The following TBC1D20 variants were observed in gnomAD, a reference collection of about 807,000 sequenced individuals.
TBC1D20 encodes the protein TBC1 domain family member 20.
Under a neutral mutation model 41.6 loss-of-function variants are expected in TBC1D20, and 12 were observed. The observed-to-expected ratio is 0.29, with a 90% CI of 0.18 to 0.47. The LOEUF is 0.47. Among genes scored for constraint, TBC1D20 ranks in the 20% least tolerant of loss-of-function variants. The pLI, the probability that TBC1D20 is intolerant of heterozygous loss-of-function variation, is 1.00. For missense variants in TBC1D20, 421 were observed against 517.4 expected (o/e 0.81, Z 1.81); for synonymous variants, 205 against 204.8 (o/e 1.00, Z -0.01).
In TBC1D20 at chr20:462,486, G is replaced by A. The variant is rs1361079010; in HGVS notation, c.-81C>T. On this transcript the variant is annotated 5_prime_UTR_variant, in exon 1 of 8. Coordinates refer to ENST00000354200, the MANE Select transcript of TBC1D20 (RefSeq NM_144628.4). ...GACGCGGCTCCGACCGCGGGACGTA[G>A]CACCCGCTCGGCATCGGCAGGCTCC... is the stretch of plus-strand genomic sequence containing the variant. 18 of 851,150 alleles carry A rather than the reference G, an allele frequency of 2.1e-5. No homozygotes were observed. Among genetic ancestry groups the A allele is most frequent in the Non-Finnish European group, 2.7e-5 (18 of 660,180 alleles). 52.7% of individuals were successfully genotyped at this position (851,150 alleles called of 1,614,324 possible).
chr20:449,285 TA>T (rs1169245536), intron 1 of TBC1D20, among the ~76,000 whole-genome samples: 339 of 56,914 alleles, frequency 6.0e-3, no homozygotes, highest in African/African-American at 0.011. Flanking sequence ...CCCAATACAT[TA>T]AAAAAAAAAA....
chr20:458,470 G>A (rs770594191), intron 1 of TBC1D20, among the ~76,000 whole-genome samples: 19 of 151,608 alleles, frequency 1.3e-4, no homozygotes, highest in Non-Finnish European at 2.1e-4. Flanking sequence ...AGCTCCACTG[G>A]CCCAGCTAAT....
At position 437,442 on chromosome 20, in the gene TBC1D20, G is replaced by A. The variant is rs950675323; in HGVS notation, c.*1144C>T. On this transcript the variant is annotated 3_prime_UTR_variant, in exon 8 of 8. Transcript: ENST00000354200. ...AAAACAAACCTGGCTTTGCTTACAGGGAAGCTGTCCCAGAAGGACTGAGTG... is the reference window on the plus strand; with the variant it reads ...AAAACAAACCTGGCTTTGCTTACAGAGAAGCTGTCCCAGAAGGACTGAGTG... 2.0e-5 allele frequency: 3 copies of A among 152,592 alleles called. No homozygotes were observed. The highest frequency in any genetic ancestry group is 1.3e-4 in the Admixed American group (2 of 15,282). The allele number at this position is 152,592 out of a possible 1,614,324, so 9.5% of individuals were successfully genotyped here.
intron 1 of TBC1D20, among the ~76,000 whole-genome samples, chr20:448,448 T>TGGGA (rs1352135507): frequency 6.6e-6 from 1 of 152,116 alleles, no homozygotes; most frequent in African/African-American, 2.4e-5. Context: ...CCCAGCACTT[T>TGGGA]GGGAGGCCGA....
In TBC1D20 at chr20:438,712, T is replaced by C; in HGVS notation, c.1086A>G (p.Pro362=). The change falls in exon 8 of 8, where the codon CCA becomes CCG. Residue 362 remains proline, a synonymous_variant. Transcript: ENST00000354200. ...EDRTKDVLTK[P]RTNRFVKLAV... ...CCAATTTCACAAAGCGGTTGGTCCTTGGCTTGGTCAGGACATCTTTTGTTC... is the reference window on the plus strand; with the variant it reads ...CCAATTTCACAAAGCGGTTGGTCCTCGGCTTGGTCAGGACATCTTTTGTTC... The C allele has an allele frequency of 6.2e-7, 1 of 1,614,202 alleles. No homozygotes were observed. Among genetic ancestry groups the C allele is most frequent in the Non-Finnish European group, 8.5e-7 (1 of 1,180,034 alleles).
chr20:448,713 T>C (rs975286033), intron 1 of TBC1D20, among the ~76,000 whole-genome samples: 9 of 148,918 alleles, frequency 6.0e-5, no homozygotes, highest in African/African-American at 2.2e-4. Flanking sequence ...AAAAGAGACA[T>C]TGTCTCTCTA....
At chr20:461,981 A>G (rs1213104211) in intron 1 of TBC1D20, among the ~76,000 whole-genome samples, 1 of 152,140 alleles carries the variant, frequency 6.6e-6, no homozygotes, top group African/African-American at 2.4e-5. Flanking sequence ...GAGCCTGCGG[A>G]CGTGGCGGAC....
chr20:458,970 G>A (rs1169712826), intron 1 of TBC1D20, among the ~76,000 whole-genome samples: 1 of 152,112 alleles, frequency 6.6e-6, no homozygotes, highest in Non-Finnish European at 1.5e-5. Flanking sequence ...AGTGGCAGAT[G>A]GAGAAAGCAC....
chr20:447,958 C>G lies in TBC1D20; in HGVS notation c.187G>C (p.Asp63His). ...MAISEGGLLT[D>H]EIRRKVWPKL... is the part of the protein sequence containing the mutation. ...GGCCACACTTTTCGTCTGATCTCAT[C>G]AGTCAGGAGCCCTCCTTCACTGATA... The change falls in exon 2 of 8, where the codon GAT becomes CAT. Residue 63 changes from aspartate to histidine, a missense_variant. By Grantham distance (81) the Asp-to-His change is moderately conservative. Around this residue, in one of 3 missense-constraint regions of TBC1D20, gnomAD observed 150 missense variants for 151.3 expected, o/e 0.99. Transcript: ENST00000354200. 1 of 1,614,156 alleles carries G rather than the reference C, an allele frequency of 6.2e-7. No individual in the cohort carries two copies. Among genetic ancestry groups the G allele is most frequent in the African/African-American group, 1.3e-5 (1 of 75,048 alleles).
Position 438,339 on chromosome 20 carries a change from G to C in TBC1D20, c.*247C>G, listed in dbSNP as rs6107330. The C allele has an allele frequency of 5.9e-3, 3,082 of 521,600 alleles. 67 individuals are homozygous for C. The highest frequency in any genetic ancestry group is 0.052 in the African/African-American group (2,719 of 52,318). 32.3% of individuals were successfully genotyped at this position (521,600 alleles called of 1,614,324 possible). A position where few individuals can be genotyped will look rare whatever the true frequency, so the allele number is the denominator to read the frequency against. On this transcript the variant is annotated 3_prime_UTR_variant, in exon 8 of 8. Transcript: ENST00000354200. ...CCTCCAACACCAGGGAGGTGGCAGA[G>C]AGCCCATCCAAAAGCCCACTGGGAG...
rs140759931 is a variant in TBC1D20, at chr20:462,455, G to A, written c.-50C>T. On this transcript the variant is annotated 5_prime_UTR_variant, in exon 1 of 8. Coordinates refer to ENST00000354200, the MANE Select transcript of TBC1D20 (RefSeq NM_144628.4). ...CGAGCCCCGGCTGGTGGCGGAGCCG[G>A]GAGAAGACGCGGCTCCGACCGCGGG... The A allele has an allele frequency of 7.7e-3, 8,496 of 1,103,220 alleles. 767 individuals carry two copies. The Admixed American group carries it at 0.16, about 20-fold the overall frequency. The allele number at this position is 1,103,220 out of a possible 1,614,324, so 68.3% of individuals were successfully genotyped here.
At chr20:444,838 C>G (rs908287091) in intron 3 of TBC1D20, among the ~76,000 whole-genome samples, 4 of 152,016 alleles carry the variant, frequency 2.6e-5, no homozygotes, top group African/African-American at 9.7e-5. Flanking sequence ...AACCTCTTCT[C>G]TCATTCACCA....
intron 3 of TBC1D20, among the ~76,000 whole-genome samples, chr20:443,937 A>G (rs895126818): frequency 1.3e-5 from 2 of 152,096 alleles, no homozygotes; most frequent in African/African-American, 4.8e-5. Flanking sequence ...CAGCCTGGCC[A>G]ACATGGTGAA....
intron 1 of TBC1D20, among the ~76,000 whole-genome samples, chr20:449,285 T>TTAAAAAA (rs1298346679): frequency 1.8e-5 from 1 of 56,930 alleles, no homozygotes; most frequent in African/African-American, 9.2e-5. Flanking sequence ...CCCAATACAT[T>TTAAAAAA]AAAAAAAAAA....
rs1568462447 is a variant in TBC1D20, at chr20:453,186, A to AAAC, written c.71-5115_71-5113dup. On this transcript the variant is annotated intron_variant, in intron 1 of 7. Coordinates refer to ENST00000354200, the MANE Select transcript of TBC1D20 (RefSeq NM_144628.4). ...AAAAAAAAAAAAAAAAAAAAAAAAA[A>AAAC]AACAGGCTGGGCGCAGTGGCTCACG... 1.0e-4 allele frequency among the ~76,000 whole-genome samples: 13 copies of AAAC among 129,780 alleles called. No individual in the cohort carries two copies. The East Asian group carries it at 2.1e-3, about 21-fold the overall frequency. The allele number at this position is 129,780 out of a possible 152,430, so 85.1% of individuals were successfully genotyped here. A position where few individuals can be genotyped will look rare whatever the true frequency, so the allele number is the denominator to read the frequency against.
At chr20:445,966 G>A (rs1255299152) in intron 2 of TBC1D20, among the ~76,000 whole-genome samples, 1 of 152,236 alleles carries the variant, frequency 6.6e-6, no homozygotes, top group African/African-American at 2.4e-5. Context: ...CTCTGAAGCA[G>A]CCAATTCCAA....
chr20:439,186 C>T lies in TBC1D20; in HGVS notation c.878G>A (p.Ser293Asn). 4 of 1,614,210 alleles carry T rather than the reference C, an allele frequency of 2.5e-6. No individual in the cohort carries two copies. Among genetic ancestry groups the T allele is most frequent in the Non-Finnish European group, 2.5e-6 (3 of 1,180,034 alleles). The change falls in exon 7 of 8, where the codon AGC becomes AAC. Residue 293 changes from serine to asparagine, a missense_variant. By Grantham distance (46) the Ser-to-Asn change is conservative. Transcript: ENST00000354200. This position sits in a 1 kb window ranked among gnomAD's most constrained non-coding sequence, Gnocchi z 4.6. ...PQDLPYETLI[S>N]RAGDLFVQFP... ...CTGAACAAAAAGGTCTCCTGCTCTG[C>T]TGATCAGTGTCTCATAGGGCAAGTC...
At chr20:444,673 A>G (rs903402007) in intron 3 of TBC1D20, among the ~76,000 whole-genome samples, 1 of 152,178 alleles carries the variant, frequency 6.6e-6, no homozygotes, top group Non-Finnish European at 1.5e-5. Flanking sequence ...GGAATCTTAC[A>G]TATGTATGCG....
At chr20:445,552 A>G (rs1295245717) in intron 2 of TBC1D20, among the ~76,000 whole-genome samples, 2 of 152,210 alleles carry the variant, frequency 1.3e-5, no homozygotes, top group Admixed American at 6.5e-5. Context: ...TAACGCCTAT[A>G]AAGTTGTGGG....
Sources: allele counts gnomAD v4.1 joint callset (sites outside exome capture counted in the v4.1 genomes callset), GRCh38; gene constraint gnomAD v4.1.1; regional missense constraint gnomAD v4.1.1; non-coding constraint Gnocchi (gnomAD v3.1); transcripts MANE v1.5; gene names NCBI Gene and HGNC (gene_info 2026-07-23, HGNC 2026-07-21).